The following PDE11A variants were observed in gnomAD, a reference collection of about 807,000 sequenced individuals.
PDE11A encodes phosphodiesterase 11A.
Under a neutral mutation model 100.5 loss-of-function variants are expected in PDE11A, and 100 were observed. That is an observed-to-expected ratio of 1.00 (90% CI 0.85 to 1.18). The LOEUF (loss-of-function observed/expected upper bound fraction) is 1.18. Among genes scored for constraint, PDE11A ranks in the 50% most tolerant of loss-of-function variants. PDE11A has a pLI of 0.00. For synonymous variants in PDE11A, 381 were observed against 420.8 expected (o/e 0.91, Z 1.16); for missense variants, 1,141 against 1,152.6 (o/e 0.99, Z 0.15).
Position 177,840,370 on chromosome 2 carries a change from T to A in PDE11A, c.1381A>T (p.Met461Leu), listed in dbSNP as rs1277892308. ...CAGTCGGAGTATGATGATTTCTCCATGCTTTCTTTGAAACTATCAGAGCAC... is the reference window on the plus strand; with the variant it reads ...CAGTCGGAGTATGATGATTTCTCCAAGCTTTCTTTGAAACTATCAGAGCAC... ...ADAENSFKESMEKSSYSDWLI... is the reference protein window; with the variant it reads ...ADAENSFKESLEKSSYSDWLI... The change falls in exon 6 of 20, where the codon ATG (methionine) becomes TTG (leucine). Residue 461 changes from methionine (M) to leucine (L), a missense_variant. By Grantham distance (15) the Met-to-Leu change is conservative (BLOSUM62 2). Coordinates refer to ENST00000286063, the MANE Select transcript of PDE11A (RefSeq NM_016953.4). 6.2e-7 allele frequency: 1 copy of A among 1,613,926 alleles called. No homozygotes were observed. The highest frequency in any genetic ancestry group is 1.1e-5 in the South Asian group (1 of 91,082).
chr2:177,763,126 G>T (rs74413042), intron 10 of PDE11A, among the ~76,000 whole-genome samples: 266 of 152,274 alleles, frequency 1.7e-3, no homozygotes, highest in African/African-American at 6.3e-3. Flanking sequence ...AGTGCAAGCC[G>T]CCCGGCTCGG....
At chr2:177,730,678 T>G (rs2081673178) in intron 10 of PDE11A, among the ~76,000 whole-genome samples, 1 of 152,166 alleles carries the variant, frequency 6.6e-6, no homozygotes, top group Non-Finnish European at 1.5e-5. Context: ...TTTTTAATAG[T>G]ACCCTAATTT....
intron 2 of PDE11A, among the ~76,000 whole-genome samples, chr2:177,933,107 A>G (rs972053553): frequency 1.3e-5 from 2 of 151,942 alleles, no homozygotes; most frequent in African/African-American, 4.8e-5. Flanking sequence ...ATACCTAGGA[A>G]TACATCTAAC....
In PDE11A at chr2:177,629,404, G is replaced by A; in HGVS notation, c.*3C>T. ...ATTTTGCAGCTGCAGCTGACCTGGA[G>A]GTTTAGTTCCTGTCTTCCTTGGCTA... is the stretch of plus-strand genomic sequence containing the variant. On this transcript the variant is annotated 3_prime_UTR_variant, in exon 20 of 20. Transcript: ENST00000286063. 6.2e-7 allele frequency: 1 copy of A among 1,613,190 alleles called. No homozygotes were observed. Among genetic ancestry groups the A allele is most frequent in the Non-Finnish European group, 8.5e-7 (1 of 1,179,736 alleles).
intron 2 of PDE11A, among the ~76,000 whole-genome samples, chr2:177,940,001 A>G (rs560593747): frequency 7.2e-5 from 11 of 152,326 alleles, no homozygotes; most frequent in Non-Finnish European, 1.5e-4. Context: ...TTTTTTTAAA[A>G]GAGTGAATCC....
At chr2:177,652,207 A>G (rs138912261) in intron 19 of PDE11A, among the ~76,000 whole-genome samples, 20 of 152,310 alleles carry the variant, frequency 1.3e-4, no homozygotes, top group Middle Eastern at 3.4e-3. Flanking sequence ...TGAGTAACAG[A>G]GACAGTGAAT....
intron 3 of PDE11A, among the ~76,000 whole-genome samples, chr2:177,903,033 G>T (rs1045376909): frequency 3.3e-5 from 5 of 152,128 alleles, no homozygotes; most frequent in African/African-American, 7.2e-5. Context: ...ATTGCACTCA[G>T]AATGAAAGCC....
At chr2:177,788,961 C>A (rs4508637) in intron 9 of PDE11A, among the ~76,000 whole-genome samples, 1 of 151,954 alleles carries the variant, frequency 6.6e-6, no homozygotes, top group South Asian at 2.1e-4. Flanking sequence ...ACCAGAGGTA[C>A]AAGGAGGAAC....
At chr2:177,757,221 C>T (rs2082102285) in intron 10 of PDE11A, among the ~76,000 whole-genome samples, 1 of 152,130 alleles carries the variant, frequency 6.6e-6, no homozygotes, top group Non-Finnish European at 1.5e-5. Flanking sequence ...GTAAAATGTT[C>T]AGTAAATGTT....
intron 1 of PDE11A, among the ~76,000 whole-genome samples, chr2:178,062,155 T>A (rs1434274128): frequency 1.3e-5 from 2 of 152,132 alleles, no homozygotes; most frequent in Admixed American, 6.5e-5. Flanking sequence ...TTCGTCTCCC[T>A]GCTTGGTTAA....
intron 9 of PDE11A, among the ~76,000 whole-genome samples, chr2:177,810,808 TATTGCAATTGTCC>T (rs143853826): frequency 0.11 from 17,178 of 152,134 alleles, 1,124 homozygotes; most frequent in African/African-American, 0.19. Flanking sequence ...AGTAGAAGGC[TATTGCAATTGTCC>T]AGTGCAGAGG....
Position 177,627,161 on chromosome 2 carries a change from G to A in PDE11A, c.*2246C>T, listed in dbSNP as rs1157788269. 1 of 150,098 alleles carries A rather than the reference G, an allele frequency of 6.7e-6. No homozygotes were observed. The highest frequency in any genetic ancestry group is 2.5e-5 in the African/African-American group (1 of 40,594). The allele number at this position is 150,098 out of a possible 1,614,324, so 9.3% of individuals were successfully genotyped here. On this transcript the variant is annotated 3_prime_UTR_variant, in exon 20 of 20. Coordinates refer to ENST00000286063, the MANE Select transcript of PDE11A (RefSeq NM_016953.4). ...CCATTCTCTTGCCTCAGCCTCCCCA[G>A]TAGCTGGGACTACAGACGCCTGCCA...
chr2:177,972,918 C>A (rs1419883759), intron 2 of PDE11A, among the ~76,000 whole-genome samples: 1 of 152,138 alleles, frequency 6.6e-6, no homozygotes, highest in Non-Finnish European at 1.5e-5. Context: ...GAAGTTGTGC[C>A]TATGATAACA....
Position 178,041,100 on chromosome 2 carries a change from A to G in PDE11A, c.913-26640T>C, listed in dbSNP as rs554342362. On this transcript the variant is annotated intron_variant, in intron 1 of 19. Coordinates refer to ENST00000286063, the MANE Select transcript of PDE11A (RefSeq NM_016953.4). ...AACTACAGGCACAGCCACCATGCCC[A>G]GCTAATTTTTTTGAGTTTTAGTAGA... Among the ~76,000 whole-genome samples, 3 of 151,862 alleles carry G rather than the reference A, an allele frequency of 2.0e-5. No individual in the cohort carries two copies. In the South Asian group the frequency reaches 6.2e-4, roughly 32 times the overall value.
intron 2 of PDE11A, among the ~76,000 whole-genome samples, chr2:177,955,098 T>C (rs2085546114): frequency 6.6e-6 from 1 of 152,212 alleles, no homozygotes; most frequent in African/African-American, 2.4e-5. Flanking sequence ...AATTTGATTC[T>C]TTTTATTAAA....
chr2:177,639,590 C>T lies in PDE11A; in HGVS notation c.2647-10028G>A, dbSNP rs574666379. 6.6e-5 allele frequency among the ~76,000 whole-genome samples: 10 copies of T among 152,256 alleles called. No homozygotes were observed. In the South Asian group the frequency reaches 2.1e-3, roughly 32 times the overall value. On this transcript the variant is annotated intron_variant, in intron 19 of 19. Coordinates refer to ENST00000286063, the MANE Select transcript of PDE11A (RefSeq NM_016953.4). ...CTGTAAAAACACATCTAGAATGAGC[C>T]ACTTGGGAAATGGATATATTTTCTC...
chr2:177,782,363 G>T (rs1268404030), intron 9 of PDE11A, among the ~76,000 whole-genome samples: 1 of 152,094 alleles, frequency 6.6e-6, no homozygotes, highest in African/African-American at 2.4e-5. Context: ...GCCAAAAAGT[G>T]GTTAAAAAGC....
chr2:177,648,857 T>C (rs965812824), intron 19 of PDE11A, among the ~76,000 whole-genome samples: 1 of 152,014 alleles, frequency 6.6e-6, no homozygotes, highest in Non-Finnish European at 1.5e-5. Flanking sequence ...GGAAACATAT[T>C]TGTCACCTTT....
In PDE11A at chr2:177,749,100, C is replaced by A. The variant is rs34718493; in HGVS notation, c.1788+20223G>T. Among the ~76,000 whole-genome samples, 602 of 152,260 alleles carry A rather than the reference C, an allele frequency of 4.0e-3. 3 individuals carry two copies. Among genetic ancestry groups the A allele is most frequent in the Non-Finnish European group, 6.7e-3 (459 of 68,016 alleles). ...AAGCCAAATACAGTGTGTGCTATTG[C>A]AAGGATGGATAGGCCAGGCTGGACT... On this transcript the variant is annotated intron_variant, in intron 10 of 19. Transcript: ENST00000286063.
Sources: allele counts gnomAD v4.1 joint callset (sites outside exome capture counted in the v4.1 genomes callset), GRCh38; gene constraint gnomAD v4.1.1; transcripts MANE v1.5; gene names NCBI Gene and HGNC (gene_info 2026-07-23, HGNC 2026-07-21).